Variants in UBAC2 observed in about 807,000 individuals in gnomAD.
UBAC2 encodes UBA domain containing 2, also known as ubiquitin-associated domain-containing protein 2.
In UBAC2, 26 loss-of-function variants were observed where a neutral mutation model predicts 44.0. The observed-to-expected ratio is 0.59, with a 90% CI of 0.43 to 0.82. UBAC2 has a LOEUF of 0.82. Among genes scored for constraint, UBAC2 ranks in the 40% least tolerant of loss-of-function variants. The probability of loss-of-function intolerance (pLI) is 0.00; values close to 1 mark genes in which losing one functional copy is unlikely to be tolerated. For missense variants in UBAC2, 329 were observed against 419.4 expected, an observed-to-expected ratio of 0.78 and a Z score of 1.88; for synonymous variants, 155 against 154.3, an observed-to-expected ratio of 1.00 and a Z score of -0.04.
chr13:99,319,257 CTTAAAT>C (rs1214806618), intron 6 of UBAC2, among the ~76,000 whole-genome samples: 1 of 152,100 alleles, frequency 6.6e-6, no homozygotes, highest in African/African-American at 2.4e-5. Context: ...TCATCCATGA[CTTAAAT>C]TTAAACCTCC....
chr13:99,239,228 G>T (rs1429417008), intron 2 of UBAC2, among the ~76,000 whole-genome samples: 1 of 152,132 alleles, frequency 6.6e-6, no homozygotes, highest in Non-Finnish European at 1.5e-5. Flanking sequence ...TAATACCATT[G>T]CTCAGATTGG....
rs140157853 is a variant in UBAC2, at chr13:99,280,446, A to G, written c.390-33651A>G. On this transcript the variant is annotated intron_variant, in intron 4 of 8. Transcript: ENST00000403766. ...TACCAAGAAAACAAGGAGAACTTCA[A>G]GTGTCCCCTTGGGTAGCTCTGCTCC... is the stretch of plus-strand genomic sequence containing the variant. Among the ~76,000 whole-genome samples the G allele has an allele frequency of 2.4e-3, 362 of 152,286 alleles. 4 individuals are homozygous for G. Among genetic ancestry groups the G allele is most frequent in the South Asian group, 0.011 (52 of 4,820 alleles).
intron 1 of UBAC2, among the ~76,000 whole-genome samples, chr13:99,229,549 A>G (rs1176817319): frequency 6.6e-6 from 1 of 152,240 alleles, no homozygotes; most frequent in Admixed American, 6.5e-5. Flanking sequence ...TTTGAGCTTG[A>G]AGGTCATACC....
intron 6 of UBAC2, among the ~76,000 whole-genome samples, chr13:99,322,182 G>A (rs1189383148): frequency 6.6e-6 from 1 of 152,186 alleles, no homozygotes; most frequent in African/African-American, 2.4e-5. Context: ...GATGTCTGGT[G>A]AGAGACCTTC....
chr13:99,317,712 C>T (rs1190333183), intron 5 of UBAC2, among the ~76,000 whole-genome samples: 1 of 152,054 alleles, frequency 6.6e-6, no homozygotes, highest in East Asian at 1.9e-4. Context: ...TAGTATTTTA[C>T]TTTAAGTCAG....
intron 7 of UBAC2, 123 bp from the exon 8 acceptor site, chr13:99,367,664 C>T (rs1300028280): frequency 2.1e-5 from 28 of 1,329,016 alleles, no homozygotes; most frequent in Middle Eastern, 2.4e-4. Flanking sequence ...TTGCATAGAG[C>T]GGATCAATAT....
intron 4 of UBAC2, among the ~76,000 whole-genome samples, chr13:99,257,215 G>GA (rs1256445131): frequency 2.0e-5 from 3 of 152,160 alleles, no homozygotes; most frequent in Admixed American, 2.0e-4. Context: ...ATATTGGTGT[G>GA]ACTAGAATAT....
At chr13:99,275,949 ACT>A (rs1209519462) in intron 4 of UBAC2, among the ~76,000 whole-genome samples, 1 of 151,930 alleles carries the variant, frequency 6.6e-6, no homozygotes, top group African/African-American at 2.4e-5. Flanking sequence ...CCCAGATCAT[ACT>A]CTCCACTCTA....
chr13:99,381,274 A>C (rs959684111), intron 8 of UBAC2, among the ~76,000 whole-genome samples: 9 of 152,144 alleles, frequency 5.9e-5, no homozygotes, highest in Admixed American at 5.2e-4. Context: ...TTCCAAACCA[A>C]ATGTATCATC....
intron 4 of UBAC2, among the ~76,000 whole-genome samples, chr13:99,263,305 GT>G (rs1353864979): frequency 6.6e-6 from 1 of 152,242 alleles, no homozygotes; most frequent in Non-Finnish European, 1.5e-5. Flanking sequence ...GCTCGTACAT[GT>G]AATTGTGGTG....
chr13:99,338,533 T>C (rs977697988), intron 6 of UBAC2, among the ~76,000 whole-genome samples: 1 of 152,144 alleles, frequency 6.6e-6, no homozygotes, highest in African/African-American at 2.4e-5. Flanking sequence ...ATATGCAGAG[T>C]GGTTTATAAT....
At chr13:99,340,809 T>A (rs1442043859) in intron 7 of UBAC2, among the ~76,000 whole-genome samples, 1 of 152,254 alleles carries the variant, frequency 6.6e-6, no homozygotes, top group Non-Finnish European at 1.5e-5. Flanking sequence ...CTATATTAGA[T>A]AAGCATGACT....
intron 1 of UBAC2, chr13:99,215,761 C>T (rs1028716429): frequency 2.4e-6 from 3 of 1,225,610 alleles, no homozygotes; most frequent in Admixed American, 2.5e-5. Context: ...TCAGCCATTT[C>T]GAGTTCTGCT....
intron 1 of UBAC2, among the ~76,000 whole-genome samples, chr13:99,232,420 A>ATATATATATATATATATATATATT (rs1438082766): frequency 3.5e-5 from 5 of 142,688 alleles, no homozygotes; most frequent in South Asian, 2.2e-4. Flanking sequence ...ATATATATAT[A>ATATATATATATATATATATATATT]TTCACACACA....
At chr13:99,316,902 A>G (rs1384594480) in intron 5 of UBAC2, among the ~76,000 whole-genome samples, 1 of 152,220 alleles carries the variant, frequency 6.6e-6, no homozygotes, top group African/African-American at 2.4e-5. Flanking sequence ...CCTGACACAT[A>G]GAAAGTGTTA....
chr13:99,271,643 T>G (rs952313128), intron 4 of UBAC2, among the ~76,000 whole-genome samples: 1 of 152,216 alleles, frequency 6.6e-6, no homozygotes, highest in Non-Finnish European at 1.5e-5. Flanking sequence ...TTATACATAC[T>G]TAGAGTTTTT....
At chr13:99,213,679 A>T (rs1202697537) in intron 1 of UBAC2, among the ~76,000 whole-genome samples, 3 of 152,036 alleles carry the variant, frequency 2.0e-5, no homozygotes, top group African/African-American at 7.2e-5. Context: ...ATTTTATCGT[A>T]CTAAAATAAG....
chr13:99,331,918 A>G (rs1053696302), intron 6 of UBAC2, among the ~76,000 whole-genome samples: 5 of 151,982 alleles, frequency 3.3e-5, no homozygotes, highest in African/African-American at 9.7e-5. Context: ...TTGAGTAAAT[A>G]TTTGTGGAAT....
intron 7 of UBAC2, among the ~76,000 whole-genome samples, chr13:99,365,788 ATAT>A (rs1359901380): frequency 6.6e-6 from 1 of 152,202 alleles, no homozygotes; most frequent in East Asian, 1.9e-4. Context: ...GTTATTTTTT[ATAT>A]TATTTTTTGT....
Sources: gnomAD v4.1 joint callset for allele counts (sites outside exome capture counted in the v4.1 genomes callset) on GRCh38, gnomAD v4.1.1 for gene constraint, MANE v1.5 for transcripts, NCBI Gene and HGNC (gene_info 2026-07-23, HGNC 2026-07-21) for gene names.